MAP4: variants seen among roughly 807,000 people sequenced by gnomAD.
The protein encoded by MAP4 is microtubule associated protein 4, also known as microtubule-associated protein 4.
In MAP4, 76 loss-of-function variants were observed where a neutral mutation model predicts 170.2. The observed-to-expected ratio is 0.45, with a 90% confidence interval of 0.37 to 0.54. The LOEUF is 0.54. Ranked by LOEUF, MAP4 falls within the 20% of genes least tolerant of loss-of-function variation. MAP4 has a pLI of 0.00. For synonymous variants in MAP4, 909 were observed against 994.5 expected, an observed-to-expected ratio of 0.91 and a Z score of 1.62; for missense variants, 2,506 against 2,748.0, an observed-to-expected ratio of 0.91 and a Z score of 1.97.
chr3:48,005,759 G>A (rs1209975045), intron 1 of MAP4, among the ~76,000 whole-genome samples: 2 of 152,202 alleles, frequency 1.3e-5, no homozygotes, highest in Non-Finnish European at 2.9e-5. Context: ...CCAATGCCTT[G>A]TGAAATAGAT....
At chr3:48,072,709 C>A (rs1293946331) in intron 1 of MAP4, among the ~76,000 whole-genome samples, 1 of 152,094 alleles carries the variant, frequency 6.6e-6, no homozygotes, top group East Asian at 1.9e-4. Context: ...AATTGCCTTT[C>A]CTGGACCTCA....
intron 1 of MAP4, among the ~76,000 whole-genome samples, chr3:48,045,108 A>C (rs2100123728): frequency 6.6e-6 from 1 of 151,144 alleles, no homozygotes; most frequent in African/African-American, 2.4e-5. Flanking sequence ...AATACAAAAA[A>C]TTAGTCAGGC....
chr3:47,875,581 A>G (rs2095080319), intron 12 of MAP4, 104 bp downstream of exon 12: 3 of 1,121,040 alleles, frequency 2.7e-6, no homozygotes, highest in Non-Finnish European at 3.9e-6. Flanking sequence ...CCTTTTCCCA[A>G]TTCCACCAGC....
intron 1 of MAP4, among the ~76,000 whole-genome samples, chr3:48,059,615 C>T (rs2100134101): frequency 6.7e-6 from 1 of 149,902 alleles, no homozygotes; most frequent in South Asian, 2.1e-4. Flanking sequence ...CATATGAACA[C>T]ATGAAATCTT....
At chr3:47,929,747 C>A (rs2100048372) in intron 3 of MAP4, among the ~76,000 whole-genome samples, 2 of 150,034 alleles carry the variant, frequency 1.3e-5, no homozygotes, top group South Asian at 4.3e-4. Context: ...GCAAAGATTT[C>A]TTAGACATGT....
At chr3:47,913,078 G>C (rs2100036775) in intron 8 of MAP4, among the ~76,000 whole-genome samples, 1 of 152,110 alleles carries the variant, frequency 6.6e-6, no homozygotes, top group African/African-American at 2.4e-5. Context: ...TCAACATTCT[G>C]CTCCTAAATG....
At chr3:48,034,994 CAGAG>C (rs1253427001) in intron 1 of MAP4, among the ~76,000 whole-genome samples, 1 of 151,982 alleles carries the variant, frequency 6.6e-6, no homozygotes, top group Non-Finnish European at 1.5e-5. Flanking sequence ...GCCTGGGAGA[CAGAG>C]AGTGAGACAC....
intron 1 of MAP4, among the ~76,000 whole-genome samples, chr3:48,068,327 T>C (rs2100139301): frequency 6.7e-6 from 1 of 150,058 alleles, no homozygotes. Context: ...AATTAAAAAC[T>C]AATGAAAATT....
chr3:48,052,096 A>C (rs2100128202), intron 1 of MAP4, among the ~76,000 whole-genome samples: 1 of 152,172 alleles, frequency 6.6e-6, no homozygotes, highest in African/African-American at 2.4e-5. Flanking sequence ...ATGTCCCCTA[A>C]AGGGCAAAAT....
chr3:48,005,348 A>G (rs1268418034), intron 1 of MAP4, among the ~76,000 whole-genome samples: 2 of 151,948 alleles, frequency 1.3e-5, no homozygotes, highest in East Asian at 3.9e-4. Flanking sequence ...CAACAGAACG[A>G]GACTCCCTCT....
intron 3 of MAP4, among the ~76,000 whole-genome samples, chr3:47,956,363 C>T (rs2100067836): frequency 6.6e-6 from 1 of 152,166 alleles, no homozygotes; most frequent in Admixed American, 6.5e-5. Flanking sequence ...TAGCTCTGCA[C>T]AACATGCCAG....
At chr3:48,063,981 C>T (rs2100137182) in intron 1 of MAP4, among the ~76,000 whole-genome samples, 1 of 152,064 alleles carries the variant, frequency 6.6e-6, no homozygotes, top group Non-Finnish European at 1.5e-5. Flanking sequence ...CTGATCTAAC[C>T]AACTCCATCC....
chr3:48,041,467 T>C (rs1559840981), intron 1 of MAP4, among the ~76,000 whole-genome samples: 1 of 151,950 alleles, frequency 6.6e-6, no homozygotes, highest in East Asian at 1.9e-4. Context: ...TGAAAGAAAT[T>C]AAGGAAGATT....
chr3:47,852,779 A>C lies in MAP4; in HGVS notation c.*155T>G, dbSNP rs1012564949. 1.5e-5 allele frequency: 23 copies of C among 1,547,006 alleles called. No individual in the cohort carries two copies. Among genetic ancestry groups the C allele is most frequent in the Non-Finnish European group, 1.7e-5 (20 of 1,146,754 alleles). ...AGCGGGCTGCCCAGCACGGCGCCCA[A>C]GCGCTCACTGGTCTAGTGGACAGCC... On this transcript the variant is annotated 3_prime_UTR_variant, in exon 21 of 21. Transcript: ENST00000683076.
At chr3:47,933,601 CTTTT>C (rs1306889632) in intron 3 of MAP4, among the ~76,000 whole-genome samples, 1 of 129,604 alleles carries the variant, frequency 7.7e-6, no homozygotes, top group Admixed American at 8.0e-5. Flanking sequence ...TCCTGCCCAG[CTTTT>C]TTTTTTTTTT....
chr3:47,942,383 T>C (rs2100057097), intron 3 of MAP4, among the ~76,000 whole-genome samples: 1 of 152,166 alleles, frequency 6.6e-6, no homozygotes, highest in East Asian at 1.9e-4. Flanking sequence ...AAAACTTTTT[T>C]TTCTATTTAT....
intron 2 of MAP4, among the ~76,000 whole-genome samples, chr3:47,985,954 C>T (rs951463460): frequency 2.6e-5 from 4 of 152,140 alleles, no homozygotes; most frequent in South Asian, 4.1e-4. Context: ...CCTAGTTCTT[C>T]GGGGAAAGAG....
chr3:47,875,105 C>T (rs1053532163), intron 12 of MAP4, among the ~76,000 whole-genome samples: 1 of 152,218 alleles, frequency 6.6e-6, no homozygotes, highest in African/African-American at 2.4e-5. Flanking sequence ...TGAGAGGTGG[C>T]CTAATGCCCA....
intron 8 of MAP4, 146 bp downstream of exon 8, chr3:47,914,671 C>T: frequency 1.1e-6 from 1 of 893,372 alleles, no homozygotes; most frequent in South Asian, 2.1e-5. Flanking sequence ...CTGTCTAAAC[C>T]AGATAAAATC....
Sources: allele counts gnomAD v4.1 joint callset (sites outside exome capture counted in the v4.1 genomes callset), GRCh38; gene constraint gnomAD v4.1.1; transcripts MANE v1.5; gene names NCBI Gene and HGNC (gene_info 2026-07-23, HGNC 2026-07-21).